Variants in RREB1 observed in about 807,000 individuals in gnomAD.
The protein encoded by RREB1 is ras-responsive element-binding protein 1.
Under a neutral mutation model 117.8 loss-of-function variants are expected in RREB1, and 27 were observed. The observed-to-expected ratio is 0.23, with a 90% CI of 0.17 to 0.32. RREB1 has a LOEUF of 0.32. RREB1 is among the 10% of genes least tolerant of loss of function. The probability of loss-of-function intolerance (pLI) is 1.00; values close to 1 mark genes in which losing one functional copy is unlikely to be tolerated. For missense variants in RREB1, 2,577 were observed against 2,378.2 expected, an observed-to-expected ratio of 1.08 and a Z score of -1.74; for synonymous variants, 1,298 against 1,026.7, an observed-to-expected ratio of 1.26 and a Z score of -5.05.
At chr6:7,187,310 C>A (rs954270390) in intron 4 of RREB1, 124 bp from the exon 5 acceptor site, 1 of 475,734 alleles carries the variant, frequency 2.1e-6, no homozygotes. Context: ...TATACCTGGG[C>A]AGGTTCTGGA....
chr6:7,160,691 T>TTTTTTTC (rs1763614387), intron 1 of RREB1, among the ~76,000 whole-genome samples: 1 of 147,832 alleles, frequency 6.8e-6, no homozygotes, highest in Admixed American at 7.4e-5. Context: ...TTTTTTTTCT[T>TTTTTTTC]TTTTTTTTCT....
chr6:7,195,805 C>G (rs186743548), intron 6 of RREB1, among the ~76,000 whole-genome samples: 8 of 152,292 alleles, frequency 5.3e-5, no homozygotes, highest in African/African-American at 1.9e-4. Flanking sequence ...TGCCTCCGTT[C>G]CATCTTGTTT....
At chr6:7,163,684 G>A (rs377727315) in intron 1 of RREB1, among the ~76,000 whole-genome samples, 2 of 152,178 alleles carry the variant, frequency 1.3e-5, no homozygotes, top group Non-Finnish European at 2.9e-5. Flanking sequence ...GTGAGCCACC[G>A]CGCCTGGCAC....
intron 4 of RREB1, chr6:7,183,843 C>T (rs1419724051): frequency 6.6e-6 from 1 of 152,242 alleles, no homozygotes; most frequent in Non-Finnish European, 1.5e-5. Context: ...TACCTGTGGA[C>T]TAGACAGGGA....
At position 7,230,235 on chromosome 6, in the gene RREB1, C is replaced by T. The variant is rs748448889; in HGVS notation, c.2136C>T (p.Ala712=). 8.1e-6 allele frequency: 13 copies of T among 1,603,446 alleles called. No individual in the cohort carries two copies. Among genetic ancestry groups the T allele is most frequent in the Non-Finnish European group, 8.5e-6 (10 of 1,179,860 alleles). The change falls in exon 10 of 13, where the codon GCC becomes GCT. Residue 712 remains alanine, a synonymous_variant. Coordinates refer to ENST00000379938, the MANE Select transcript of RREB1 (RefSeq NM_001003699.4). ...GCCACTACCCCTTCACTGTCAAAGC[C>T]AACTGCGAGCGGCACCTGCGCAAGA... ...KICHYPFTVK[A]NCERHLRKKH...
At chr6:7,118,376 C>T (rs1166155764) in intron 1 of RREB1, among the ~76,000 whole-genome samples, 6 of 152,148 alleles carry the variant, frequency 3.9e-5, no homozygotes, top group African/African-American at 1.4e-4. Flanking sequence ...CCGCCTTGGC[C>T]TCCCAAAGTG....
intron 2 of RREB1, among the ~76,000 whole-genome samples, chr6:7,180,776 G>A (rs1237896246): frequency 6.6e-6 from 1 of 152,246 alleles, no homozygotes. Context: ...ATAAAGGCGT[G>A]AGACGGGTCA....
rs111456821 is a variant in RREB1 at position 7,205,849 on chromosome 6, G to A, written c.426-4955G>A. On this transcript the variant is annotated intron_variant, in intron 6 of 12. Transcript: ENST00000379938. ...TTTTAGAAAGCAAATGATTACACTT[G>A]TGGGAGAAAAGCCATTTAAGTTGAA... Among the ~76,000 whole-genome samples the A allele has an allele frequency of 1.4e-4, 21 of 152,298 alleles. 1 individual carries two copies. The highest frequency in any genetic ancestry group is 4.3e-4 in the African/African-American group (18 of 41,562).
intron 1 of RREB1, among the ~76,000 whole-genome samples, chr6:7,167,879 C>T (rs1764027212): frequency 6.6e-6 from 1 of 152,164 alleles, no homozygotes; most frequent in Non-Finnish European, 1.5e-5. Flanking sequence ...GCAGTGTTAT[C>T]AGCTTCATTT....
At position 7,248,680 on chromosome 6, in the gene RREB1, C is replaced by G. The variant is rs181502332; in HGVS notation, c.4941C>G (p.Ser1647Arg). The G allele has an allele frequency of 6.2e-7, 1 of 1,614,124 alleles. No individual in the cohort carries two copies. The highest frequency in any genetic ancestry group is 2.2e-5 in the East Asian group (1 of 44,874). ...EEDSENESTHSGNNAVSENEA... is the reference protein window; with the variant it reads ...EEDSENESTHRGNNAVSENEA... Reference sequence around the variant, plus strand: ...ACAGCGAGAATGAGTCCACCCACAGCGGCAACAACGCCGTCTCAGAGAACG... The same window carrying G: ...ACAGCGAGAATGAGTCCACCCACAGGGGCAACAACGCCGTCTCAGAGAACG... Residue 1647 changes from serine to arginine, a missense_variant, in exon 13 of 13, where the codon AGC becomes AGG. By Grantham distance (110) the Ser-to-Arg change is moderately radical. Coordinates refer to ENST00000379938, the MANE Select transcript of RREB1 (RefSeq NM_001003699.4).
chr6:7,217,790 TTA>T (rs1286291306), intron 8 of RREB1: 4 of 152,200 alleles, frequency 2.6e-5, no homozygotes, highest in African/African-American at 9.6e-5. Context: ...TTTAGATATT[TTA>T]AACCTTCCAA....
At chr6:7,220,670 C>A (rs1353543718) in intron 8 of RREB1, among the ~76,000 whole-genome samples, 2 of 152,232 alleles carry the variant, frequency 1.3e-5, no homozygotes, top group African/African-American at 4.8e-5. Context: ...TAAACCTTTC[C>A]TCTGGCACAT....
In RREB1 at chr6:7,150,910, G is replaced by A. The variant is rs1490367489; in HGVS notation, c.-284-25745G>A. Among the ~76,000 whole-genome samples the A allele has an allele frequency of 2.6e-5, 4 of 152,378 alleles. No individual in the cohort carries two copies. The East Asian group carries it at 7.7e-4, about 29-fold the overall frequency. ...CAAGGACACATGTTGAGAGGTTGGG[G>A]TGGTGGAGCCAGGAGGTGCAGTGAG... On this transcript the variant is annotated intron_variant, in intron 1 of 12. Transcript: ENST00000379938.
At chr6:7,185,916 G>A (rs1022533050) in intron 4 of RREB1, among the ~76,000 whole-genome samples, 3 of 152,166 alleles carry the variant, frequency 2.0e-5, no homozygotes, top group South Asian at 2.1e-4. Context: ...ACTTGCCTCT[G>A]TGTACCCCAG....
rs1205397788 is a variant in RREB1, at chr6:7,210,888, C to T, written c.510C>T (p.Ser170=). ...PSPLKRRRLS[S]KRKLSHDAES... ...CTCTGAAACGTAGGCGATTGTCCTC[C>T]AAGAGGAAACTGAGTCACGATGCCG... Residue 170 remains serine (S), a synonymous_variant, in exon 7 of 13, where the codon TCC becomes TCT. Transcript: ENST00000379938. The T allele has an allele frequency of 1.9e-6, 3 of 1,614,054 alleles. No homozygotes were observed. Among genetic ancestry groups the T allele is most frequent in the African/African-American group, 1.3e-5 (1 of 74,926 alleles).
At chr6:7,141,443 G>C (rs1157953822) in intron 1 of RREB1, among the ~76,000 whole-genome samples, 1 of 152,166 alleles carries the variant, frequency 6.6e-6, no homozygotes, top group East Asian at 1.9e-4. Flanking sequence ...AAGATTAGAA[G>C]ATGAGTGTGC....
intron 1 of RREB1, among the ~76,000 whole-genome samples, chr6:7,133,296 G>A (rs756240385): frequency 3.3e-5 from 5 of 152,112 alleles, no homozygotes; most frequent in Admixed American, 6.5e-5. Flanking sequence ...GTGCCTGGAC[G>A]GGCTTGTATG....
At position 7,251,039 on chromosome 6, in the gene RREB1, G is replaced by GT. The variant is rs1769386089; in HGVS notation, c.*2077dup. On this transcript the variant is annotated 3_prime_UTR_variant, in exon 13 of 13. Coordinates refer to ENST00000379938, the MANE Select transcript of RREB1 (RefSeq NM_001003699.4). ...GTTATTATTATTTGGGGTTTCTTGT[G>GT]TTTTTTCTTTGCGACTCTCCACACT... The GT allele has an allele frequency of 3.9e-5, 6 of 152,024 alleles. No individual in the cohort carries two copies. The highest frequency in any genetic ancestry group is 1.2e-4 in the African/African-American group (5 of 41,450). The allele number at this position is 152,024 out of a possible 1,614,324, so 9.4% of individuals were successfully genotyped here.
At chr6:7,185,183 A>T (rs1489275133) in intron 4 of RREB1, 1 of 152,224 alleles carries the variant, frequency 6.6e-6, no homozygotes, top group East Asian at 1.9e-4. Context: ...CACTATCTCT[A>T]GGATGTTCAT....
Sources: allele counts gnomAD v4.1 joint callset (sites outside exome capture counted in the v4.1 genomes callset), GRCh38; gene constraint gnomAD v4.1.1; transcripts MANE v1.5; gene names NCBI Gene and HGNC (gene_info 2026-07-23, HGNC 2026-07-21).